The following KLHL6 variants were observed in gnomAD, a reference collection of about 807,000 sequenced individuals.
KLHL6 encodes kelch like family member 6.
In KLHL6, 41 loss-of-function variants were observed where a neutral mutation model predicts 58.6. The ratio of observed to expected loss-of-function variants is 0.70; its 90% CI spans 0.55 to 0.91. The LOEUF is 0.91. KLHL6 is among the 40% of genes least tolerant of loss of function. The pLI, the probability that KLHL6 is intolerant of heterozygous loss-of-function variation, is 0.00. For synonymous variants in KLHL6, 338 were observed against 322.7 expected (o/e 1.05, Z -0.51); for missense variants, 714 against 805.6 (o/e 0.89, Z 1.38).
chr3:183,534,611 C>T (rs1327658662), intron 1 of KLHL6, among the ~76,000 whole-genome samples: 1 of 152,100 alleles, frequency 6.6e-6, no homozygotes, highest in Non-Finnish European at 1.5e-5. Context: ...CCATGTTGCC[C>T]AGGCTGGTCT....
intron 2 of KLHL6, among the ~76,000 whole-genome samples, chr3:183,512,147 A>G (rs768263254): frequency 3.3e-5 from 5 of 152,226 alleles, no homozygotes; most frequent in African/African-American, 4.8e-5. Context: ...CCAGAACCCT[A>G]TCTGGCCCTG....
At chr3:183,551,789 TGGA>T (rs1245504625) in intron 1 of KLHL6, among the ~76,000 whole-genome samples, 3 of 151,964 alleles carry the variant, frequency 2.0e-5, no homozygotes, top group African/African-American at 4.8e-5. Context: ...TGAGACAGGG[TGGA>T]GGAGGAAATA....
chr3:183,543,028 C>G (rs545233133), intron 1 of KLHL6, among the ~76,000 whole-genome samples: 1 of 152,316 alleles, frequency 6.6e-6, no homozygotes, highest in East Asian at 1.9e-4. Flanking sequence ...TGAGGTGGCT[C>G]AAGCCTGTAA....
At chr3:183,493,024 A>G in intron 5 of KLHL6, 2 of 339,968 alleles carry the variant, frequency 5.9e-6, no homozygotes, top group African/African-American at 2.1e-5. Context: ...ATGATGTTTT[A>G]TACATGCATA....
intron 2 of KLHL6, among the ~76,000 whole-genome samples, chr3:183,525,324 C>T (rs1010706047): frequency 2.2e-5 from 3 of 136,470 alleles, no homozygotes; most frequent in African/African-American, 7.9e-5. Flanking sequence ...ACAATCCTAA[C>T]CCGGGGGGGA....
chr3:183,488,545 C>A lies in KLHL6; in HGVS notation c.*3382G>T, dbSNP rs1173279830. 1.3e-5 allele frequency: 2 copies of A among 152,542 alleles called. No individual in the cohort carries two copies. Among genetic ancestry groups the A allele is most frequent in the African/African-American group, 4.8e-5 (2 of 41,446 alleles). The allele number at this position is 152,542 out of a possible 1,614,324, so 9.4% of individuals were successfully genotyped here. A position where few individuals can be genotyped will look rare whatever the true frequency, so the allele number is the denominator to read the frequency against. ...CAGGGGTGCTCTGTCCACTCACAGG[C>A]CCTGCCTCAGTCTCCAGTCTGCTGT... On this transcript the variant is annotated 3_prime_UTR_variant, in exon 7 of 7. Transcript: ENST00000341319.
At chr3:183,493,945 A>G (rs1717641061) in intron 5 of KLHL6, 134 bp downstream of exon 5, 4 of 773,820 alleles carry the variant, frequency 5.2e-6, no homozygotes, top group African/African-American at 1.7e-5. Context: ...GGAAGCTCAG[A>G]GCCACCAAAA....
chr3:183,523,565 G>A (rs747785019), intron 2 of KLHL6, among the ~76,000 whole-genome samples: 93 of 152,136 alleles, frequency 6.1e-4, no homozygotes, highest in Non-Finnish European at 9.8e-4. Flanking sequence ...GTTATGTACC[G>A]TAGGGATCCT....
chr3:183,513,313 C>T lies in KLHL6; in HGVS notation c.460-4805G>A, dbSNP rs982729646. ...AAACCAGATTCAGAGAAGTAATTTC[C>T]TCAGAGACTTACAGTTAATAAAAGA... On this transcript the variant is annotated intron_variant, in intron 2 of 6. Coordinates refer to ENST00000341319, the MANE Select transcript of KLHL6 (RefSeq NM_130446.4). Among the ~76,000 whole-genome samples, 6 of 152,200 alleles carry T rather than the reference C, an allele frequency of 3.9e-5. 1 individual carries two copies. Among genetic ancestry groups the T allele is most frequent in the African/African-American group, 1.2e-4 (5 of 41,442 alleles).
intron 1 of KLHL6, among the ~76,000 whole-genome samples, chr3:183,545,492 G>T (rs1331012730): frequency 6.6e-6 from 1 of 152,208 alleles, no homozygotes; most frequent in South Asian, 2.1e-4. Flanking sequence ...GTTGGGAGCT[G>T]CATGGAAGAT....
chr3:183,499,974 C>T lies in KLHL6; in HGVS notation c.910-147G>A. The T allele has an allele frequency of 3.4e-6, 2 of 591,156 alleles. No individual in the cohort carries two copies. Among genetic ancestry groups the T allele is most frequent in the South Asian group, 4.6e-5 (2 of 43,620 alleles). 36.6% of individuals were successfully genotyped at this position (591,156 alleles called of 1,614,324 possible). ...CCTCCCTGAGCCTCAGTTTCATCAT[C>T]TGTATAATCGGGATAGCAGAGGTAA... On this transcript the variant is annotated intron_variant, in intron 3 of 6. Coordinates refer to ENST00000341319, the MANE Select transcript of KLHL6 (RefSeq NM_130446.4). This position sits in a 1 kb window ranked among gnomAD's most constrained non-coding sequence, Gnocchi z 4.6.
rs1717808580 is a variant in KLHL6, at chr3:183,499,498, A to G, written c.1147+92T>C. Reference sequence around the variant, plus strand: ...CAGAGCCGGATCATTGCCAATTCACAGTAATTCTTCTAGGATGGTTGCCTG... The same window carrying G: ...CAGAGCCGGATCATTGCCAATTCACGGTAATTCTTCTAGGATGGTTGCCTG... On this transcript the variant is annotated intron_variant, in intron 4 of 6. Transcript: ENST00000341319. This position sits in a 1 kb window ranked among gnomAD's most constrained non-coding sequence, Gnocchi z 4.6. 1 of 814,410 alleles carries G rather than the reference A, an allele frequency of 1.2e-6. No homozygotes were observed. Among genetic ancestry groups the G allele is most frequent in the Non-Finnish European group, 2.0e-6 (1 of 505,144 alleles). 50.4% of individuals were successfully genotyped at this position (814,410 alleles called of 1,614,324 possible).
intron 1 of KLHL6, among the ~76,000 whole-genome samples, chr3:183,537,402 T>A (rs543865296): frequency 2.0e-5 from 3 of 152,338 alleles, no homozygotes; most frequent in African/African-American, 7.2e-5. Context: ...TGACAACTTA[T>A]CCTGTGGCAT....
chr3:183,503,283 A>G (rs1468978447), intron 3 of KLHL6, among the ~76,000 whole-genome samples: 1 of 152,220 alleles, frequency 6.6e-6, no homozygotes, highest in East Asian at 1.9e-4. Context: ...CACATGTCAG[A>G]GTAATGTTTG....
At chr3:183,493,094 C>T (rs577662677) in intron 5 of KLHL6, 2 of 217,552 alleles carry the variant, frequency 9.2e-6, no homozygotes, top group African/African-American at 4.6e-5. Flanking sequence ...CTACTATGTA[C>T]CAGCATTGAT....
At position 183,494,174 on chromosome 3, in the gene KLHL6, A is replaced by T. The variant is rs769125560; in HGVS notation, c.1255T>A (p.Leu419Met). The change falls in exon 5 of 7, where the codon TTG becomes ATG. Residue 419 changes from leucine (L) to methionine (M), a missense_variant. By Grantham distance (15) the Leu-to-Met change is conservative. Transcript: ENST00000341319. ...CCGATCACATAGACCTTGCCACCCA[A>T]CACCACCATCTTATGCCTCCAGCGG... is the stretch of plus-strand genomic sequence containing the variant. The part of the protein sequence containing the change: ...IGRWRHKMVV[L>M]GGKVYVIGGF... 1 of 1,614,116 alleles carries T rather than the reference A, an allele frequency of 6.2e-7. No homozygotes were observed.
intron 3 of KLHL6, among the ~76,000 whole-genome samples, chr3:183,504,565 T>C (rs568994665): frequency 2.2e-4 from 33 of 152,304 alleles, no homozygotes; most frequent in African/African-American, 7.7e-4. Flanking sequence ...GGTAGGGACC[T>C]TTTATATCAG....
At chr3:183,540,935 A>G (rs1712531660) in intron 1 of KLHL6, among the ~76,000 whole-genome samples, 1 of 152,092 alleles carries the variant, frequency 6.6e-6, no homozygotes, top group Non-Finnish European at 1.5e-5. Context: ...CTCGCCGTCC[A>G]CCACCACATC....
chr3:183,521,818 C>G (rs1711771349), intron 2 of KLHL6: 1 of 149,808 alleles, frequency 6.7e-6, no homozygotes, highest in African/African-American at 2.4e-5. Flanking sequence ...CTCAGCCTCC[C>G]AAGTAGCCGG....
Sources: gnomAD v4.1 joint callset for allele counts (sites outside exome capture counted in the v4.1 genomes callset) on GRCh38, gnomAD v4.1.1 for gene constraint, Gnocchi (gnomAD v3.1) non-coding constraint, MANE v1.5 for transcripts, NCBI Gene and HGNC (gene_info 2026-07-23, HGNC 2026-07-21) for gene names.